LRFN5: variants seen among roughly 807,000 people sequenced by gnomAD.
LRFN5 encodes leucine rich repeat and fibronectin type III domain containing 5.
A neutral mutation model predicts 45.6 loss-of-function variants in LRFN5; 24 were observed. The ratio of observed to expected loss-of-function variants is 0.53; its 90% CI spans 0.38 to 0.74. The LOEUF is 0.74. Among genes scored for constraint, LRFN5 ranks in the 30% least tolerant of loss-of-function variants. LRFN5 has a pLI of 0.00. For missense variants in LRFN5, 776 were observed against 861.5 expected, an observed-to-expected ratio of 0.90 and a Z score of 1.24; for synonymous variants, 340 against 313.8, an observed-to-expected ratio of 1.08 and a Z score of -0.88.
chr14:41,729,441 C>T (rs1884075556), intron 1 of LRFN5, among the ~76,000 whole-genome samples: 1 of 151,970 alleles, frequency 6.6e-6, no homozygotes, highest in South Asian at 2.1e-4. Context: ...GAACCATGAG[C>T]CAATTAAACC....
At chr14:41,667,854 A>G (rs934167420) in intron 1 of LRFN5, among the ~76,000 whole-genome samples, 1 of 152,130 alleles carries the variant, frequency 6.6e-6, no homozygotes, top group Non-Finnish European at 1.5e-5. Flanking sequence ...ATACCTATTT[A>G]TAATTAGTTA....
At chr14:41,731,571 T>C (rs7151621) in intron 1 of LRFN5, among the ~76,000 whole-genome samples, 6,817 of 152,208 alleles carry the variant, frequency 0.045, 338 homozygotes, top group African/African-American at 0.12. Context: ...TTGCATCAGA[T>C]AGATCTGTAT....
intron 2 of LRFN5, among the ~76,000 whole-genome samples, chr14:41,851,230 A>G (rs887590182): frequency 6.6e-6 from 1 of 151,728 alleles, no homozygotes; most frequent in Non-Finnish European, 1.5e-5. Flanking sequence ...CATGCTATGT[A>G]TATTACATAA....
intron 2 of LRFN5, among the ~76,000 whole-genome samples, chr14:41,856,680 T>TTTATTTA (rs1566486536): frequency 3.5e-5 from 2 of 57,218 alleles, no homozygotes; most frequent in African/African-American, 1.2e-4. Flanking sequence ...TTATTATTTT[T>TTTATTTA]TTTTTTTTTT....
Position 41,608,085 on chromosome 14 carries a change from A to G in LRFN5, c.-674A>G, listed in dbSNP as rs1137567. On this transcript the variant is annotated 5_prime_UTR_variant, in exon 1 of 6. Transcript: ENST00000298119. ...GGAGAACTTGAAGGAAACGTGATTA[A>G]AGGGCTATGCGAGAACGCTCTCTTT... 61,921 of 152,040 alleles carry G rather than the reference A, an allele frequency of 0.41. 13,842 individuals carry two copies. The highest frequency in any genetic ancestry group is 0.52 in the Non-Finnish European group (35,078 of 67,964). The allele number at this position is 152,040 out of a possible 1,614,324, so 9.4% of individuals were successfully genotyped here.
chr14:41,778,964 A>G (rs952973990), intron 2 of LRFN5, among the ~76,000 whole-genome samples: 6 of 151,728 alleles, frequency 4.0e-5, no homozygotes, highest in African/African-American at 1.4e-4. Context: ...AGACAGTTTT[A>G]TGTCTTCTTG....
intron 1 of LRFN5, among the ~76,000 whole-genome samples, chr14:41,683,453 G>A (rs1406353957): frequency 6.6e-6 from 1 of 152,076 alleles, no homozygotes; most frequent in East Asian, 1.9e-4. Flanking sequence ...ACATAGTATG[G>A]GGTGTCCTAT....
chr14:41,817,754 A>G (rs1887970023), intron 2 of LRFN5, among the ~76,000 whole-genome samples: 1 of 152,164 alleles, frequency 6.6e-6, no homozygotes, highest in Non-Finnish European at 1.5e-5. Context: ...GAGAACCTAG[A>G]TAAACTCCGG....
chr14:41,648,044 T>G (rs1458896793), intron 1 of LRFN5, among the ~76,000 whole-genome samples: 2 of 152,186 alleles, frequency 1.3e-5, no homozygotes, highest in Non-Finnish European at 2.9e-5. Context: ...CTATATCTTT[T>G]TATATAGCTG....
chr14:41,735,457 A>T (rs1884384125), intron 1 of LRFN5, among the ~76,000 whole-genome samples: 1 of 152,042 alleles, frequency 6.6e-6, no homozygotes, highest in African/African-American at 2.4e-5. Context: ...CTTTTAGCAG[A>T]GGATGGGTCT....
At chr14:41,639,678 G>A (rs1210917431) in intron 1 of LRFN5, among the ~76,000 whole-genome samples, 1 of 152,130 alleles carries the variant, frequency 6.6e-6, no homozygotes, top group Non-Finnish European at 1.5e-5. Flanking sequence ...ATTCTGGACT[G>A]TATGGAACAA....
intron 2 of LRFN5, among the ~76,000 whole-genome samples, chr14:41,814,768 TA>T (rs565965357): frequency 0.03 from 4,552 of 152,236 alleles, 241 homozygotes; most frequent in African/African-American, 0.1. Context: ...GGGTATATGT[TA>T]GACAAATGGA....
chr14:41,630,402 C>T (rs186721936), intron 1 of LRFN5, among the ~76,000 whole-genome samples: 1 of 152,058 alleles, frequency 6.6e-6, no homozygotes, highest in African/African-American at 2.4e-5. Context: ...ATGGGAATTG[C>T]TGATCCTATT....
intron 1 of LRFN5, among the ~76,000 whole-genome samples, chr14:41,750,371 C>T (rs949525874): frequency 6.7e-6 from 1 of 149,984 alleles, no homozygotes; most frequent in Non-Finnish European, 1.5e-5. Context: ...GAAAGAGATT[C>T]TATAGTTTGT....
chr14:41,836,594 G>T (rs1888670145), intron 2 of LRFN5, among the ~76,000 whole-genome samples: 1 of 152,120 alleles, frequency 6.6e-6, no homozygotes, highest in Admixed American at 6.5e-5. Flanking sequence ...AGGACAAAAA[G>T]AAGCTAAATA....
intron 1 of LRFN5, among the ~76,000 whole-genome samples, chr14:41,748,514 G>T (rs979617233): frequency 6.6e-6 from 1 of 152,044 alleles, no homozygotes; most frequent in Non-Finnish European, 1.5e-5. Context: ...CTTCAGGTAG[G>T]GGATAATGGA....
chr14:41,702,336 A>G (rs930662048), intron 1 of LRFN5, among the ~76,000 whole-genome samples: 1 of 152,208 alleles, frequency 6.6e-6, no homozygotes, highest in Admixed American at 6.5e-5. Context: ...TACAGTTCAC[A>G]CTTCTAAATT....
At chr14:41,705,162 A>G (rs1883012169) in intron 1 of LRFN5, among the ~76,000 whole-genome samples, 1 of 150,916 alleles carries the variant, frequency 6.6e-6, no homozygotes, top group South Asian at 2.1e-4. Flanking sequence ...GAGCCTCAAA[A>G]TCTATTTGGT....
Position 41,654,775 on chromosome 14 carries a change from T to C in LRFN5, c.-197+46213T>C, listed in dbSNP as rs532215665. 6.6e-5 allele frequency among the ~76,000 whole-genome samples: 10 copies of C among 152,212 alleles called. No homozygotes were observed. In the South Asian group the frequency reaches 2.1e-3, roughly 32 times the overall value. On this transcript the variant is annotated intron_variant, in intron 1 of 5. Transcript: ENST00000298119. ...GTGTCTTTTTTAAACAGCAGTCTTA[T>C]AAAAACAAGTAGAAACCAGGGAGGG...
Sources: allele counts gnomAD v4.1 joint callset (sites outside exome capture counted in the v4.1 genomes callset), GRCh38; gene constraint gnomAD v4.1.1; transcripts MANE v1.5; gene names NCBI Gene and HGNC (gene_info 2026-07-23, HGNC 2026-07-21).